ABCC4: variants seen among roughly 807,000 people sequenced by gnomAD.
ABCC4 encodes the protein ATP binding cassette subfamily C member 4 (PEL blood group).
A neutral mutation model predicts 168.5 loss-of-function variants in ABCC4; 102 were observed. The observed-to-expected ratio is 0.61, with a 90% CI of 0.52 to 0.71. The LOEUF (loss-of-function observed/expected upper bound fraction) is 0.71, where lower values mean the gene tolerates loss of function less well. Among genes scored for constraint, ABCC4 ranks in the 30% least tolerant of loss-of-function variants. ABCC4 has a pLI of 0.00. For synonymous variants in ABCC4, 617 were observed against 590.7 expected (o/e 1.04, Z -0.65); for missense variants, 1,402 against 1,605.8 (o/e 0.87, Z 2.17).
intron 25 of ABCC4, among the ~76,000 whole-genome samples, chr13:95,064,031 A>G (rs1219861310): frequency 1.3e-5 from 2 of 152,150 alleles, no homozygotes; most frequent in Admixed American, 1.3e-4. Flanking sequence ...GTGACATATT[A>G]CCTCATTTGA....
intron 16 of ABCC4, among the ~76,000 whole-genome samples, chr13:95,164,054 A>AAAG (rs1555324219): frequency 5.8e-5 from 8 of 139,036 alleles, no homozygotes; most frequent in Non-Finnish European, 9.1e-5. Context: ...AAAAAAAAAA[A>AAAG]AAAGAAAGAA....
chr13:95,089,476 G>A (rs997453117), intron 20 of ABCC4, among the ~76,000 whole-genome samples: 1 of 152,076 alleles, frequency 6.6e-6, no homozygotes, highest in Non-Finnish European at 1.5e-5. Flanking sequence ...AATTTAGCTA[G>A]GCGTGGTCAC....
intron 21 of ABCC4, among the ~76,000 whole-genome samples, chr13:95,080,106 C>T (rs574438843): frequency 2.0e-5 from 3 of 152,184 alleles, no homozygotes; most frequent in South Asian, 4.2e-4. Flanking sequence ...ATTCCTGTGC[C>T]GCTTATTAAC....
chr13:95,287,769 G>A (rs903030767), intron 1 of ABCC4, among the ~76,000 whole-genome samples: 5 of 150,376 alleles, frequency 3.3e-5, no homozygotes, highest in Non-Finnish European at 7.4e-5. Flanking sequence ...TAGGCCAGAT[G>A]AGGTGGCTCA....
intron 19 of ABCC4, among the ~76,000 whole-genome samples, chr13:95,130,292 C>A (rs1414912260): frequency 6.6e-6 from 1 of 152,006 alleles, no homozygotes; most frequent in African/African-American, 2.4e-5. Context: ...AAACTATGAA[C>A]CAAAAACTGG....
intron 26 of ABCC4, among the ~76,000 whole-genome samples, chr13:95,057,715 G>A (rs1159146167): frequency 1.3e-5 from 2 of 152,198 alleles, no homozygotes; most frequent in African/African-American, 4.8e-5. Context: ...GGATAAGCCA[G>A]GAAGAGAGAG....
At chr13:95,058,908 C>T (rs758770390) in intron 26 of ABCC4, among the ~76,000 whole-genome samples, 11 of 152,210 alleles carry the variant, frequency 7.2e-5, no homozygotes, top group Non-Finnish European at 1.6e-4. Flanking sequence ...CGCTGTTCTT[C>T]AAATGGCAGG....
chr13:95,025,257 A>C (rs181919827), intron 30 of ABCC4, among the ~76,000 whole-genome samples: 61 of 31,602 alleles, frequency 1.9e-3, no homozygotes, highest in Non-Finnish European at 2.8e-3. Flanking sequence ...CCACACACAC[A>C]CACACCCCCA....
intron 26 of ABCC4, 100 bp downstream of exon 26, chr13:95,062,604 A>AC (rs112360695): frequency 1.3e-3 from 1,458 of 1,109,234 alleles, no homozygotes; most frequent in Non-Finnish European, 1.5e-3. Context: ...GAAAAAAAAA[A>AC]CAATCCTTTC....
intron 1 of ABCC4, among the ~76,000 whole-genome samples, chr13:95,250,824 A>G (rs909033959): frequency 7.5e-6 from 1 of 133,024 alleles, no homozygotes; most frequent in Non-Finnish European, 1.5e-5. Flanking sequence ...GATGGAGTAC[A>G]GTGGAGCGAT....
chr13:95,076,096 AGACT>A lies in ABCC4; in HGVS notation c.2687-549_2687-546del, dbSNP rs150850308. On this transcript the variant is annotated intron_variant, in intron 21 of 30. Transcript: ENST00000645237. ...TACTCAGTAAGTGAGCTGAACAGAC[AGACT>A]GTCACTTCCCTGCATCCTGGGGAAT... 6.5e-3 allele frequency among the ~76,000 whole-genome samples: 986 copies of A among 152,266 alleles called. 14 individuals are homozygous for A. Among genetic ancestry groups the A allele is most frequent in the African/African-American group, 0.021 (874 of 41,544 alleles).
At chr13:95,083,406 G>GGGACT (rs199608560) in intron 20 of ABCC4, 116 bp from the exon 21 acceptor site, 13,749 of 1,238,704 alleles carry the variant, frequency 0.011, 136 homozygotes, top group Middle Eastern at 0.024. Context: ...TGTAGTACCA[G>GGGACT]GGACTGCTTT....
chr13:95,041,364 C>T (rs1040319747), intron 29 of ABCC4, among the ~76,000 whole-genome samples: 1 of 152,332 alleles, frequency 6.6e-6, no homozygotes, highest in East Asian at 1.9e-4. Context: ...GCAGTTGTTT[C>T]CCAACAAGCT....
intron 9 of ABCC4, among the ~76,000 whole-genome samples, chr13:95,189,121 ATTCT>A (rs1372867863): frequency 1.2e-4 from 12 of 102,508 alleles, no homozygotes; most frequent in African/African-American, 4.7e-4. Context: ...TTAAAACAAT[ATTCT>A]TTTTTTTTTT....
intron 20 of ABCC4, among the ~76,000 whole-genome samples, chr13:95,084,460 T>C (rs373850723): frequency 6.6e-5 from 10 of 151,408 alleles, no homozygotes; most frequent in East Asian, 5.8e-4. Context: ...CAATAAAGAA[T>C]AGATAAGAGA....
At chr13:95,105,312 C>T (rs2139384217) in intron 20 of ABCC4, among the ~76,000 whole-genome samples, 1 of 152,174 alleles carries the variant, frequency 6.6e-6, no homozygotes, top group African/African-American at 2.4e-5. Context: ...GTCCACCGCT[C>T]ACCTCCTGCT....
chr13:95,167,769 G>A (rs891641949), intron 14 of ABCC4, among the ~76,000 whole-genome samples: 6 of 152,128 alleles, frequency 3.9e-5, no homozygotes, highest in East Asian at 1.9e-4. Flanking sequence ...AGTGGGTTCC[G>A]AGGGGGAACC....
At chr13:95,046,561 T>A (rs1489573850) in intron 27 of ABCC4, among the ~76,000 whole-genome samples, 1 of 152,026 alleles carries the variant, frequency 6.6e-6, no homozygotes, top group African/African-American at 2.4e-5. Context: ...GGTCAGGAGT[T>A]CGAGACCAGC....
chr13:95,152,693 A>G (rs1333072077), intron 19 of ABCC4, among the ~76,000 whole-genome samples: 3 of 152,106 alleles, frequency 2.0e-5, no homozygotes, highest in African/African-American at 4.8e-5. Flanking sequence ...TTTTTTTTCC[A>G]CTGTCTTCAT....
Sources: allele counts gnomAD v4.1 joint callset (sites outside exome capture counted in the v4.1 genomes callset), GRCh38; gene constraint gnomAD v4.1.1; transcripts MANE v1.5; gene names NCBI Gene and HGNC (gene_info 2026-07-23, HGNC 2026-07-21).